Variants in CSNK1G1 observed in about 807,000 individuals in gnomAD.
CSNK1G1 encodes the protein casein kinase I isoform gamma-1.
CSNK1G1 carries 22 observed loss-of-function variants against 59.6 expected under a neutral mutation model. The observed-to-expected ratio is 0.37, with a 90% CI of 0.26 to 0.53. The LOEUF is 0.53. CSNK1G1 is among the 20% of genes least tolerant of loss of function. The pLI is 0.89. For missense variants in CSNK1G1, 384 were observed against 519.5 expected (o/e 0.74, Z 2.54); for synonymous variants, 179 against 177.1 (o/e 1.01, Z -0.08).
intron 2 of CSNK1G1, among the ~76,000 whole-genome samples, chr15:64,271,386 C>T (rs118063736): frequency 0.048 from 7,254 of 152,102 alleles, 231 homozygotes; most frequent in Non-Finnish European, 0.075. Flanking sequence ...CTCCCCAAGA[C>T]GCAAGCAATC....
intron 10 of CSNK1G1, chr15:64,181,665 G>C: frequency 2.3e-6 from 1 of 433,102 alleles, no homozygotes; most frequent in Non-Finnish European, 4.1e-6. Flanking sequence ...TATTTGCTGT[G>C]GGTCTTTGGG....
intron 1 of CSNK1G1, among the ~76,000 whole-genome samples, chr15:64,352,059 C>A (rs959379106): frequency 1.3e-5 from 2 of 152,078 alleles, no homozygotes; most frequent in South Asian, 2.1e-4. Flanking sequence ...GTAATCCCAG[C>A]ACCTTGGGAG....
intron 1 of CSNK1G1, among the ~76,000 whole-genome samples, chr15:64,355,480 G>A (rs1898601662): frequency 1.3e-5 from 2 of 152,240 alleles, no homozygotes; most frequent in African/African-American, 4.8e-5. Context: ...GTAGAGGAAA[G>A]TCTCATTACC....
chr15:64,259,780 G>T (rs1054548785), intron 2 of CSNK1G1, among the ~76,000 whole-genome samples: 1 of 152,116 alleles, frequency 6.6e-6, no homozygotes, highest in African/African-American at 2.4e-5. Context: ...GTAAGGAGAT[G>T]ATTCTCAAAG....
At chr15:64,208,109 A>G (rs2082205885) in intron 6 of CSNK1G1, among the ~76,000 whole-genome samples, 1 of 152,228 alleles carries the variant, frequency 6.6e-6, no homozygotes, top group Non-Finnish European at 1.5e-5. Flanking sequence ...ATTAAGTTTC[A>G]TATCAATGAA....
At chr15:64,259,403 A>G (rs1892565844) in intron 2 of CSNK1G1, among the ~76,000 whole-genome samples, 162 bp from the exon 3 acceptor site, 1 of 152,106 alleles carries the variant, frequency 6.6e-6, no homozygotes, top group East Asian at 1.9e-4. Flanking sequence ...AATGAGATCT[A>G]GCAAGGCTAG....
Position 64,167,696 on chromosome 15 carries a change from A to G in CSNK1G1, c.*4235T>C, listed in dbSNP as rs1426850102. On this transcript the variant is annotated 3_prime_UTR_variant, in exon 12 of 12. Transcript: ENST00000303052. ...CACTGGAGACAATGTTGTTAGGGCA[A>G]CTCAATGGGAATGGAGAGCTGGTTT... 1.3e-5 allele frequency: 2 copies of G among 152,656 alleles called. No individual in the cohort carries two copies. Among genetic ancestry groups the G allele is most frequent in the Non-Finnish European group, 2.9e-5 (2 of 68,050 alleles). The allele number at this position is 152,656 out of a possible 1,614,324, so 9.5% of individuals were successfully genotyped here.
intron 4 of CSNK1G1, among the ~76,000 whole-genome samples, chr15:64,223,162 C>A (rs1331295967): frequency 6.6e-6 from 1 of 151,992 alleles, no homozygotes; most frequent in Non-Finnish European, 1.5e-5. Flanking sequence ...AACACAAGCA[C>A]ACTAAGAAAG....
At chr15:64,265,170 A>T (rs1201812898) in intron 2 of CSNK1G1, among the ~76,000 whole-genome samples, 1 of 152,234 alleles carries the variant, frequency 6.6e-6, no homozygotes, top group Non-Finnish European at 1.5e-5. Context: ...AAGTTACAGG[A>T]TACAAAATTA....
intron 1 of CSNK1G1, among the ~76,000 whole-genome samples, chr15:64,342,194 G>T (rs1398895256): frequency 6.6e-6 from 1 of 152,210 alleles, no homozygotes; most frequent in African/African-American, 2.4e-5. Flanking sequence ...TTTAGAGGCA[G>T]AGATTCTTGA....
intron 4 of CSNK1G1, among the ~76,000 whole-genome samples, chr15:64,232,863 A>G (rs1390619462): frequency 6.6e-6 from 1 of 152,230 alleles, no homozygotes; most frequent in African/African-American, 2.4e-5. Flanking sequence ...AAAAAAGGTC[A>G]AAATATGACA....
At chr15:64,177,159 C>T (rs560950111) in intron 11 of CSNK1G1, among the ~76,000 whole-genome samples, 9 of 152,134 alleles carry the variant, frequency 5.9e-5, no homozygotes, top group Non-Finnish European at 1.0e-4. Context: ...TTACACTAAA[C>T]AAGCTGGGTG....
intron 1 of CSNK1G1, among the ~76,000 whole-genome samples, chr15:64,341,851 T>C (rs942986056): frequency 7.2e-5 from 11 of 152,170 alleles, no homozygotes; most frequent in Admixed American, 2.6e-4. Context: ...AAGACCCTTT[T>C]TAAAAGCGGG....
chr15:64,219,187 G>T (rs1219434473), intron 4 of CSNK1G1, among the ~76,000 whole-genome samples: 1 of 152,048 alleles, frequency 6.6e-6, no homozygotes. Context: ...TTGTTTTGAA[G>T]AAGTCATTTT....
chr15:64,311,160 C>T (rs1310818050), intron 1 of CSNK1G1, among the ~76,000 whole-genome samples: 1 of 151,924 alleles, frequency 6.6e-6, no homozygotes, highest in East Asian at 1.9e-4. Context: ...ATTCTCCTGC[C>T]TCAGCCTCCC....
At chr15:64,201,479 T>C (rs142886795) in intron 10 of CSNK1G1, among the ~76,000 whole-genome samples, 2 of 152,254 alleles carry the variant, frequency 1.3e-5, no homozygotes, top group African/African-American at 4.8e-5. Flanking sequence ...AGTCAAATTA[T>C]AAATCTTAAA....
intron 3 of CSNK1G1, among the ~76,000 whole-genome samples, chr15:64,258,868 G>C (rs1007136753): frequency 3.7e-4 from 57 of 152,052 alleles, no homozygotes; most frequent in African/African-American, 1.3e-3. Context: ...GAAAAAAACA[G>C]TAAAATTTTT....
intron 4 of CSNK1G1, among the ~76,000 whole-genome samples, chr15:64,222,245 A>G (rs1251970568): frequency 1.4e-5 from 2 of 146,766 alleles, no homozygotes; most frequent in African/African-American, 2.5e-5. Flanking sequence ...ATGGACACAG[A>G]GAGGGGAACA....
At chr15:64,219,301 A>C (rs746717124) in intron 4 of CSNK1G1, among the ~76,000 whole-genome samples, 2 of 152,214 alleles carry the variant, frequency 1.3e-5, no homozygotes, top group Non-Finnish European at 2.9e-5. Context: ...TGCTTTTATT[A>C]ATCAGACACA....
Sources: allele counts gnomAD v4.1 joint callset (sites outside exome capture counted in the v4.1 genomes callset), GRCh38; gene constraint gnomAD v4.1.1; transcripts MANE v1.5; gene names NCBI Gene and HGNC (gene_info 2026-07-23, HGNC 2026-07-21).